Variants in USP25 observed in about 807,000 individuals in gnomAD.
USP25 encodes the protein ubiquitin specific peptidase 25, also known as ubiquitin carboxyl-terminal hydrolase 25.
Under a neutral mutation model 158.5 loss-of-function variants are expected in USP25, and 85 were observed. That is an observed-to-expected ratio of 0.54 (90% CI 0.45 to 0.64). USP25 has a LOEUF of 0.64. Among genes scored for constraint, USP25 ranks in the 30% least tolerant of loss-of-function variants. The pLI is 0.00. For missense variants in USP25, 1,242 were observed against 1,327.3 expected, an observed-to-expected ratio of 0.94 and a Z score of 1.00; for synonymous variants, 464 against 460.4, an observed-to-expected ratio of 1.01 and a Z score of -0.10.
At chr21:15,755,496 A>C (rs1277648166) in intron 1 of USP25, among the ~76,000 whole-genome samples, 1 of 152,130 alleles carries the variant, frequency 6.6e-6, no homozygotes, top group Non-Finnish European at 1.5e-5. Flanking sequence ...GATATCCTAG[A>C]GTTGAGAAAA....
chr21:15,873,903 T>C (rs1339282370), intron 23 of USP25, among the ~76,000 whole-genome samples: 1 of 151,060 alleles, frequency 6.6e-6, no homozygotes, highest in Non-Finnish European at 1.5e-5. Flanking sequence ...CCTTTAGATA[T>C]TCTTATTTCT....
intron 3 of USP25, among the ~76,000 whole-genome samples, chr21:15,770,330 G>A (rs182751393): frequency 6.6e-6 from 1 of 152,062 alleles, no homozygotes; most frequent in Non-Finnish European, 1.5e-5. Context: ...CCAACTGATG[G>A]GTGCAATTAG....
chr21:15,845,223 A>G (rs1033522843), intron 18 of USP25, among the ~76,000 whole-genome samples: 5 of 152,156 alleles, frequency 3.3e-5, no homozygotes, highest in Non-Finnish European at 1.5e-5. Context: ...AAGAAGTCAT[A>G]TAATTAATGG....
intron 1 of USP25, 127 bp from the exon 2 acceptor site, chr21:15,762,763 CT>C (rs962230637): frequency 3.4e-5 from 26 of 763,700 alleles, no homozygotes; most frequent in Non-Finnish European, 5.1e-5. Context: ...GTTCTTTTTC[CT>C]TTTTTACTCT....
chr21:15,796,214 G>A (rs2035855987), intron 5 of USP25, among the ~76,000 whole-genome samples: 2 of 151,440 alleles, frequency 1.3e-5, no homozygotes, highest in African/African-American at 2.4e-5. Flanking sequence ...ATATGACTTT[G>A]GTGAAGGATA....
In USP25 at chr21:15,818,926, A is replaced by G. The variant is rs2037088887; in HGVS notation, c.1080+80A>G. On this transcript the variant is annotated intron_variant, in intron 10 of 25. Coordinates refer to ENST00000400183, the MANE Select transcript of USP25 (RefSeq NM_001283041.3). Reference sequence around the variant, plus strand: ...TATAGCACAATGTAAGGTTCTAATTATAGAGCTACCTAATAATTGAGAGAG... The same window carrying G: ...TATAGCACAATGTAAGGTTCTAATTGTAGAGCTACCTAATAATTGAGAGAG... 5 of 1,446,542 alleles carry G rather than the reference A, an allele frequency of 3.5e-6. No individual in the cohort carries two copies. In the Admixed American group the frequency reaches 6.0e-5, roughly 17 times the overall value. The allele number at this position is 1,446,542 out of a possible 1,614,324, so 89.6% of individuals were successfully genotyped here.
chr21:15,736,445 G>A (rs2031526446), intron 1 of USP25, among the ~76,000 whole-genome samples: 1 of 151,906 alleles, frequency 6.6e-6, no homozygotes. Flanking sequence ...ATGCACATGT[G>A]GTGATAACTG....
intron 14 of USP25, among the ~76,000 whole-genome samples, chr21:15,828,678 A>G (rs1601052362): frequency 6.6e-6 from 1 of 152,154 alleles, no homozygotes; most frequent in African/African-American, 2.4e-5. Context: ...TCGCTCTGTC[A>G]CCAGGCTGGA....
intron 20 of USP25, among the ~76,000 whole-genome samples, chr21:15,854,439 C>T (rs746490420): frequency 4.6e-5 from 7 of 152,124 alleles, no homozygotes; most frequent in Non-Finnish European, 8.8e-5. Flanking sequence ...CCACCACGCC[C>T]GGCCGTGTTT....
At position 15,730,447 on chromosome 21, in the gene USP25, A is replaced by T. The variant is rs1355927519; in HGVS notation, c.45+9A>T. On this transcript the variant is annotated intron_variant, in intron 1 of 25. Coordinates refer to ENST00000400183, the MANE Select transcript of USP25 (RefSeq NM_001283041.3). ...AGAGCGCGGCGCAGAAGGTGAGGCG[A>T]GTCCGCCAGCCGGCGGGCCCCACTT... is the stretch of plus-strand genomic sequence containing the variant. 4.4e-6 allele frequency: 6 copies of T among 1,356,506 alleles called. No individual in the cohort carries two copies. Among genetic ancestry groups the T allele is most frequent in the Non-Finnish European group, 5.7e-6 (6 of 1,045,518 alleles). The allele number at this position is 1,356,506 out of a possible 1,614,324, so 84.0% of individuals were successfully genotyped here. A position where few individuals can be genotyped will look rare whatever the true frequency, so the allele number is the denominator to read the frequency against.
intron 11 of USP25, among the ~76,000 whole-genome samples, chr21:15,824,448 A>G (rs1035838688): frequency 3.3e-5 from 5 of 152,256 alleles, no homozygotes; most frequent in Non-Finnish European, 4.4e-5. Context: ...ATCTTATACA[A>G]TTTTGAATGA....
chr21:15,748,993 C>G (rs1168978845), intron 1 of USP25, among the ~76,000 whole-genome samples: 1 of 151,706 alleles, frequency 6.6e-6, no homozygotes, highest in Non-Finnish European at 1.5e-5. Flanking sequence ...AAAACTGTAA[C>G]AGATATGCTC....
intron 9 of USP25, 87 bp from the exon 10 acceptor site, chr21:15,818,611 C>A: frequency 1.7e-6 from 2 of 1,164,946 alleles, no homozygotes; most frequent in Non-Finnish European, 2.4e-6. Context: ...TTACAATTTT[C>A]AGGTTCAGGT....
At chr21:15,763,092 A>G (rs1350334815) in intron 2 of USP25, 124 bp downstream of exon 2, 2 of 848,316 alleles carry the variant, frequency 2.4e-6, no homozygotes, top group East Asian at 5.8e-5. Context: ...ACAGGAATGG[A>G]CTTTGTAAAG....
At chr21:15,877,096 T>C (rs2040128769) in intron 24 of USP25, 1 of 152,192 alleles carries the variant, frequency 6.6e-6, no homozygotes, top group Admixed American at 6.5e-5. Flanking sequence ...CATTTATATA[T>C]TGGGTATTAT....
At chr21:15,730,542 G>C in intron 1 of USP25, 104 bp downstream of exon 1, 1 of 1,217,724 alleles carries the variant, frequency 8.2e-7, no homozygotes, top group Non-Finnish European at 1.0e-6. Flanking sequence ...GCCTTCCCGG[G>C]CTTCCTCCCC....
chr21:15,793,905 A>G (rs1262899123), intron 5 of USP25, among the ~76,000 whole-genome samples: 1 of 151,728 alleles, frequency 6.6e-6, no homozygotes, highest in Non-Finnish European at 1.5e-5. Flanking sequence ...ACTCTAAGCT[A>G]TAAACTGAGA....
chr21:15,732,524 AAG>A (rs1228261185), intron 1 of USP25, among the ~76,000 whole-genome samples: 1 of 152,216 alleles, frequency 6.6e-6, no homozygotes, highest in East Asian at 1.9e-4. Context: ...ACAAAAGTGA[AAG>A]TCTGTTTTTA....
intron 9 of USP25, among the ~76,000 whole-genome samples, chr21:15,811,828 T>C (rs1246827951): frequency 1.3e-5 from 2 of 152,270 alleles, no homozygotes; most frequent in Middle Eastern, 6.8e-3. Flanking sequence ...TAATATTAGG[T>C]CCCAAAGCAT....
Sources: allele counts gnomAD v4.1 joint callset (sites outside exome capture counted in the v4.1 genomes callset), GRCh38; gene constraint gnomAD v4.1.1; transcripts MANE v1.5; gene names NCBI Gene and HGNC (gene_info 2026-07-23, HGNC 2026-07-21).